The following EPB41L4A variants were observed in gnomAD, a reference collection of about 807,000 sequenced individuals.
The protein encoded by EPB41L4A is band 4.1-like protein 4A.
Under a neutral mutation model 108.6 loss-of-function variants are expected in EPB41L4A, and 100 were observed. The observed-to-expected ratio is 0.92, with a 90% CI of 0.78 to 1.09. EPB41L4A has a LOEUF of 1.09. Among genes scored for constraint, EPB41L4A ranks in the 50% least tolerant of loss-of-function variants. The pLI is 0.00. For synonymous variants in EPB41L4A, 319 were observed against 289.0 expected (o/e 1.10, Z -1.05); for missense variants, 1,030 against 842.7 (o/e 1.22, Z -2.75).
intron 4 of EPB41L4A, among the ~76,000 whole-genome samples, chr5:112,274,359 T>C (rs1464475651): frequency 6.6e-6 from 1 of 152,082 alleles, no homozygotes; most frequent in Non-Finnish European, 1.5e-5. Context: ...AAAGATTATA[T>C]CTTAAGTTGA....
chr5:112,330,136 G>C (rs750699340), intron 1 of EPB41L4A, among the ~76,000 whole-genome samples: 1 of 151,790 alleles, frequency 6.6e-6, no homozygotes, highest in Non-Finnish European at 1.5e-5. Flanking sequence ...TGAAGAGGGG[G>C]TGGGGTGCTG....
At chr5:112,266,147 A>G (rs1002035512) in intron 5 of EPB41L4A, 86 bp downstream of exon 5, 15 of 925,940 alleles carry the variant, frequency 1.6e-5, no homozygotes, top group Non-Finnish European at 2.4e-5. Flanking sequence ...ATGGATAAGA[A>G]GAGTTTTAGT....
intron 2 of EPB41L4A, among the ~76,000 whole-genome samples, chr5:112,295,641 T>G (rs1465422999): frequency 6.6e-6 from 1 of 152,204 alleles, no homozygotes. Flanking sequence ...ATACTGATGT[T>G]AACAAAGTTG....
intron 1 of EPB41L4A, among the ~76,000 whole-genome samples, chr5:112,347,708 T>C (rs1334070863): frequency 6.6e-6 from 1 of 152,192 alleles, no homozygotes; most frequent in Non-Finnish European, 1.5e-5. Context: ...AATACAGCAG[T>C]GAGAAAGAAT....
chr5:112,371,685 A>C (rs1289042869), intron 1 of EPB41L4A, among the ~76,000 whole-genome samples: 1 of 152,146 alleles, frequency 6.6e-6, no homozygotes. Context: ...AGATGACTAT[A>C]AACGTGGCAG....
At chr5:112,419,841 G>A (rs1370084519), upstream of EPB41L4A, 4 of 456,738 alleles carry the variant, frequency 8.8e-6, no homozygotes, top group Non-Finnish European at 1.3e-5. Flanking sequence ...GTGGCCGTGT[G>A]TAGCCAAGTT....
At chr5:112,215,765 A>AAC (rs1377174162) in intron 12 of EPB41L4A, among the ~76,000 whole-genome samples, 1 of 146,594 alleles carries the variant, frequency 6.8e-6, no homozygotes, top group African/African-American at 2.5e-5. Context: ...TCCATCTCAA[A>AAC]AAAAAAAAAA....
chr5:112,381,583 T>C (rs762722532), intron 1 of EPB41L4A, among the ~76,000 whole-genome samples: 22 of 152,368 alleles, frequency 1.4e-4, no homozygotes, highest in Non-Finnish European at 2.6e-4. Context: ...CATATTAATA[T>C]CTCACAGAAT....
At chr5:112,258,433 G>T (rs972537935) in intron 9 of EPB41L4A, among the ~76,000 whole-genome samples, 2 of 152,146 alleles carry the variant, frequency 1.3e-5, no homozygotes, top group African/African-American at 4.8e-5. Flanking sequence ...CACAAAGTTA[G>T]TATCAAAAAG....
chr5:112,258,157 A>C (rs932341964), intron 9 of EPB41L4A, among the ~76,000 whole-genome samples: 1 of 152,218 alleles, frequency 6.6e-6, no homozygotes, highest in Non-Finnish European at 1.5e-5. Flanking sequence ...TCAGGATGAG[A>C]TAATGTTTTT....
At chr5:112,175,468 A>G (rs1425234558) in intron 18 of EPB41L4A, 3 of 152,216 alleles carry the variant, frequency 2.0e-5, no homozygotes, top group African/African-American at 7.2e-5. Flanking sequence ...TGTCTCTGGT[A>G]TTTAATAATG....
intron 1 of EPB41L4A, among the ~76,000 whole-genome samples, chr5:112,329,433 T>A (rs1756406250): frequency 6.6e-6 from 1 of 152,174 alleles, no homozygotes; most frequent in Admixed American, 6.5e-5. Flanking sequence ...CTAATTCTCT[T>A]AATACAAACC....
intron 12 of EPB41L4A, among the ~76,000 whole-genome samples, chr5:112,232,028 T>C (rs557454649): frequency 2.0e-5 from 3 of 151,644 alleles, no homozygotes; most frequent in African/African-American, 7.3e-5. Flanking sequence ...GGTGGGAGGA[T>C]TGCTTGAGCC....
intron 9 of EPB41L4A, among the ~76,000 whole-genome samples, chr5:112,251,942 A>G (rs1158438798): frequency 6.6e-6 from 1 of 152,174 alleles, no homozygotes; most frequent in East Asian, 1.9e-4. Flanking sequence ...TGTCTTGGCA[A>G]AGTGGTGCAT....
chr5:112,402,147 T>A (rs1408537784), intron 1 of EPB41L4A, among the ~76,000 whole-genome samples: 1 of 152,138 alleles, frequency 6.6e-6, no homozygotes, highest in Non-Finnish European at 1.5e-5. Context: ...ATTTCTCCCT[T>A]GCTGTTCTCA....
rs1760648541 is a variant in EPB41L4A, at chr5:112,172,646, A to G, written c.1623-1654T>C. 2.0e-5 allele frequency among the ~76,000 whole-genome samples: 3 copies of G among 152,158 alleles called. No homozygotes were observed. The South Asian group carries it at 6.2e-4, about 32-fold the overall frequency. On this transcript the variant is annotated intron_variant, in intron 18 of 22. Transcript: ENST00000261486. ...TAATATGTTAACCCCATTAAATGAT[A>G]CTGTCAGAGAAAGTGCTAATATTAA...
At chr5:112,385,609 T>A (rs531472714) in intron 1 of EPB41L4A, among the ~76,000 whole-genome samples, 1 of 152,010 alleles carries the variant, frequency 6.6e-6, no homozygotes, top group South Asian at 2.1e-4. Flanking sequence ...ACTAAAATTA[T>A]CTCCTTATTG....
intron 2 of EPB41L4A, among the ~76,000 whole-genome samples, chr5:112,295,649 T>C (rs1366160246): frequency 6.6e-6 from 1 of 152,206 alleles, no homozygotes; most frequent in Non-Finnish European, 1.5e-5. Context: ...GTTAACAAAG[T>C]TGTCTTTAAT....
At chr5:112,141,834 T>C (rs550217751), downstream of EPB41L4A, among the ~76,000 whole-genome samples, 1 of 152,310 alleles carries the variant, frequency 6.6e-6, no homozygotes, top group African/African-American at 2.4e-5. Flanking sequence ...TTTTATTCTG[T>C]ACCCTCCTGA....
Sources: gnomAD v4.1 joint callset for allele counts (sites outside exome capture counted in the v4.1 genomes callset) on GRCh38, gnomAD v4.1.1 for gene constraint, MANE v1.5 for transcripts, NCBI Gene and HGNC (gene_info 2026-07-23, HGNC 2026-07-21) for gene names.